KSR2: variants seen among roughly 807,000 people sequenced by gnomAD.
The protein encoded by KSR2 is kinase suppressor of ras 2.
A neutral mutation model predicts 107.8 loss-of-function variants in KSR2; 25 were observed. The observed-to-expected ratio is 0.23, with a 90% confidence interval of 0.17 to 0.32. The LOEUF is 0.32. Ranked by LOEUF, KSR2 falls within the 10% of genes least tolerant of loss-of-function variation. The probability of loss-of-function intolerance (pLI) is 1.00; values close to 1 mark genes in which losing one functional copy is unlikely to be tolerated. For missense variants in KSR2, 887 were observed against 1,268.9 expected (o/e 0.70, Z 4.57); for synonymous variants, 480 against 507.0 (o/e 0.95, Z 0.71).
At chr12:117,685,418 GT>G (rs1213635943) in intron 4 of KSR2, among the ~76,000 whole-genome samples, 2 of 152,284 alleles carry the variant, frequency 1.3e-5, no homozygotes, top group Admixed American at 1.3e-4. Context: ...TTTCTTTTAG[GT>G]TTCCTTCCTC....
intron 5 of KSR2, among the ~76,000 whole-genome samples, chr12:117,587,928 C>T (rs1880106480): frequency 6.6e-6 from 1 of 152,164 alleles, no homozygotes; most frequent in South Asian, 2.1e-4. Context: ...GGAGGGCCTC[C>T]CCGCCTCCCT....
At chr12:117,696,134 T>C (rs1886049274) in intron 4 of KSR2, among the ~76,000 whole-genome samples, 1 of 152,120 alleles carries the variant, frequency 6.6e-6, no homozygotes, top group South Asian at 2.1e-4. Flanking sequence ...GCCAAGTTTA[T>C]GACCATTAGC....
intron 9 of KSR2, among the ~76,000 whole-genome samples, chr12:117,541,290 G>A (rs971175576): frequency 4.0e-5 from 6 of 148,606 alleles, no homozygotes; most frequent in African/African-American, 1.5e-4. Context: ...GAGGCAGGGA[G>A]GCAGGCAGGG....
At chr12:117,812,842 C>CAAAAAAAAAAAAAAAAAAAAAAAAAAA (rs3073170) in intron 3 of KSR2, among the ~76,000 whole-genome samples, 3 of 95,560 alleles carry the variant, frequency 3.1e-5, no homozygotes, top group South Asian at 4.2e-4. Flanking sequence ...CCCAAATAGC[C>CAAAAAAAAAAAAAAAAAAAAAAAAAAA]AAAAAAAAAA....
intron 3 of KSR2, among the ~76,000 whole-genome samples, chr12:117,822,990 G>A (rs577701227): frequency 2.6e-4 from 39 of 151,980 alleles, no homozygotes; most frequent in African/African-American, 9.2e-4. Flanking sequence ...GCTTTCCAAA[G>A]AAAAATACAT....
chr12:117,688,542 A>G (rs1885679649), intron 4 of KSR2, among the ~76,000 whole-genome samples: 1 of 152,174 alleles, frequency 6.6e-6, no homozygotes. Context: ...TCATAATTCT[A>G]CACCGATAAC....
rs1317028124 is a variant in KSR2, at chr12:117,456,661, G to C, written c.*10538C>G. 1 of 152,214 alleles carries C rather than the reference G, an allele frequency of 6.6e-6. No individual in the cohort carries two copies. Among genetic ancestry groups the C allele is most frequent in the Non-Finnish European group, 1.5e-5 (1 of 68,070 alleles). The allele number at this position is 152,214 out of a possible 1,614,324, so 9.4% of individuals were successfully genotyped here. ...GCAATTTTCCAAGATCTGGTCTTTT[G>C]CAGTGCCCGACTCGTCCTCTCTGTT... On this transcript the variant is annotated 3_prime_UTR_variant, in exon 20 of 20. Transcript: ENST00000339824.
At chr12:117,713,417 T>C (rs1227947963) in intron 4 of KSR2, among the ~76,000 whole-genome samples, 1 of 152,194 alleles carries the variant, frequency 6.6e-6, no homozygotes, top group East Asian at 1.9e-4. Flanking sequence ...TGGGGAACTC[T>C]GATACAGATA....
intron 16 of KSR2, among the ~76,000 whole-genome samples, chr12:117,481,690 T>C (rs552165764): frequency 2.6e-5 from 4 of 152,308 alleles, no homozygotes; most frequent in Middle Eastern, 3.4e-3. Context: ...GAGTGAGTAA[T>C]GAATGAGGGA....
chr12:117,742,243 T>A (rs951930575), intron 4 of KSR2, among the ~76,000 whole-genome samples: 3 of 152,372 alleles, frequency 2.0e-5, no homozygotes, highest in East Asian at 3.9e-4. Context: ...GATAACTGAA[T>A]GCATTGCATG....
At chr12:117,573,895 G>C (rs912257774) in intron 7 of KSR2, among the ~76,000 whole-genome samples, 4 of 152,294 alleles carry the variant, frequency 2.6e-5, no homozygotes, top group Non-Finnish European at 4.4e-5. Context: ...CTGGGGAGAT[G>C]ATGATGAAAA....
chr12:117,852,455 T>A (rs1031095661), intron 3 of KSR2, among the ~76,000 whole-genome samples: 4 of 151,736 alleles, frequency 2.6e-5, no homozygotes, highest in African/African-American at 9.7e-5. Context: ...TAAATAAAAA[T>A]CGGAGCACCA....
At chr12:117,809,726 G>A (rs949273267) in intron 3 of KSR2, among the ~76,000 whole-genome samples, 9 of 152,184 alleles carry the variant, frequency 5.9e-5, no homozygotes, top group Admixed American at 5.2e-4. Flanking sequence ...CAGAGGCCTT[G>A]TCCATTTTGT....
intron 1 of KSR2, among the ~76,000 whole-genome samples, chr12:117,901,134 G>A (rs1230723528): frequency 1.3e-5 from 2 of 152,036 alleles, no homozygotes; most frequent in Non-Finnish European, 2.9e-5. Context: ...AACCAGGGCC[G>A]GGTGACACAA....
At chr12:117,745,810 A>G (rs949528323) in intron 4 of KSR2, among the ~76,000 whole-genome samples, 2 of 152,148 alleles carry the variant, frequency 1.3e-5, no homozygotes, top group East Asian at 3.9e-4. Flanking sequence ...GAGCCAAATA[A>G]TGAATGAACT....
chr12:117,611,445 G>GACACACACACACCCACACACACACACAC (rs1881589113), intron 5 of KSR2, among the ~76,000 whole-genome samples: 1 of 144,500 alleles, frequency 6.9e-6, no homozygotes, highest in East Asian at 2.2e-4. Flanking sequence ...TGCACGCACA[G>GACACACACACACCCACACACACACACAC]ACACACACAC....
chr12:117,682,114 T>C (rs1035291302), intron 4 of KSR2, among the ~76,000 whole-genome samples: 3 of 152,218 alleles, frequency 2.0e-5, no homozygotes, highest in Non-Finnish European at 4.4e-5. Context: ...TCATGTCCTT[T>C]GCAGGGACAT....
chr12:117,918,941 C>A (rs556125580), intron 1 of KSR2, among the ~76,000 whole-genome samples: 1 of 152,006 alleles, frequency 6.6e-6, no homozygotes, highest in Non-Finnish European at 1.5e-5. Context: ...AGCCCCCTAC[C>A]CTGCCATGTT....
At chr12:117,594,620 T>C (rs946683805) in intron 5 of KSR2, among the ~76,000 whole-genome samples, 6 of 152,104 alleles carry the variant, frequency 3.9e-5, no homozygotes, top group Non-Finnish European at 7.4e-5. Context: ...AACAGGGCCA[T>C]GGTTTATCAG....
Sources: allele counts gnomAD v4.1 joint callset (sites outside exome capture counted in the v4.1 genomes callset), GRCh38; gene constraint gnomAD v4.1.1; transcripts MANE v1.5; gene names NCBI Gene and HGNC (gene_info 2026-07-23, HGNC 2026-07-21).